Variants in RCCD1 observed in about 807,000 individuals in gnomAD.
RCCD1 encodes RCC1 domain-containing protein 1.
RCCD1 carries 40 observed loss-of-function variants against 37.6 expected under a neutral mutation model. That is an observed-to-expected ratio of 1.06 (90% CI 0.83 to 1.39). The LOEUF (loss-of-function observed/expected upper bound fraction) is 1.39. RCCD1 is among the 40% of genes most tolerant of loss of function. RCCD1 has a pLI of 0.00. For missense variants in RCCD1, 577 were observed against 517.3 expected (o/e 1.12, Z -1.12); for synonymous variants, 263 against 230.0 (o/e 1.14, Z -1.30).
intron 5 of RCCD1, 159 bp from the exon 6 acceptor site, chr15:90,960,169 A>C: frequency 2.2e-6 from 2 of 919,022 alleles, no homozygotes; most frequent in Non-Finnish European, 3.3e-6. Context: ...ACACTTGTGC[A>C]GCAGTGCCAG....
chr15:90,957,711 CTG>C lies in RCCD1; in HGVS notation c.674_675del (p.Val225GlufsTer2). 1 of 1,610,936 alleles carries C rather than the reference CTG, an allele frequency of 6.2e-7. No individual in the cohort carries two copies. Among genetic ancestry groups the C allele is most frequent in the South Asian group, 1.1e-5 (1 of 90,638 alleles). The stretch of plus-strand genomic sequence containing the variant: ...GAGGTGGCCGCGGGGGGCTGGCATT[CTG>C]TGTGTGTGAGTGGTGAGTGACTTAG... On this transcript the variant is annotated frameshift_variant, in exon 4 of 8. Coordinates refer to ENST00000394258, the MANE Select transcript of RCCD1 (RefSeq NM_001017919.2). LOFTEE classifies it high-confidence loss of function.
At position 90,962,114 on chromosome 15, in the gene RCCD1, C is replaced by CAG. The variant is rs2037327961; in HGVS notation, c.*345_*346insAG. ...ATTGGGGCACATTCCAGGTCATCGT[C>CAG]TTCTGTCAGTCATTTCCCTGCTTTC... On this transcript the variant is annotated 3_prime_UTR_variant, in exon 8 of 8. Coordinates refer to ENST00000394258, the MANE Select transcript of RCCD1 (RefSeq NM_001017919.2). The CAG allele has an allele frequency of 5.7e-6, 1 of 174,138 alleles. No homozygotes were observed. The highest frequency in any genetic ancestry group is 2.4e-5 in the African/African-American group (1 of 42,286). 10.8% of individuals were successfully genotyped at this position (174,138 alleles called of 1,614,324 possible). A position where few individuals can be genotyped will look rare whatever the true frequency, so the allele number is the denominator to read the frequency against.
At chr15:90,955,598 C>G (rs2037163649) in intron 1 of RCCD1, 1 of 152,204 alleles carries the variant, frequency 6.6e-6, no homozygotes, top group African/African-American at 2.4e-5. Context: ...CGGCTCACGC[C>G]TGTAATCCCA....
chr15:90,956,848 C>T lies in RCCD1; in HGVS notation c.114C>T (p.Gly38=), dbSNP rs2151380696. Residue 38 remains glycine, a synonymous_variant, in exon 2 of 8, where the codon GGC becomes GGT. Transcript: ENST00000394258. Reference sequence around the variant, plus strand: ...ACAGCCCCAGTCCGCTGCGGGCGGGCGTCGACATCTGCCGCGTGAGCGCGA... The same window carrying T: ...ACAGCCCCAGTCCGCTGCGGGCGGGTGTCGACATCTGCCGCGTGAGCGCGA... ...QVHSPSPLRA[G]VDICRVSASW... The T allele has an allele frequency of 1.5e-6, 2 of 1,293,112 alleles. No homozygotes were observed. Among genetic ancestry groups the T allele is most frequent in the Non-Finnish European group, 2.0e-6 (2 of 1,020,212 alleles). The allele number at this position is 1,293,112 out of a possible 1,614,324, so 80.1% of individuals were successfully genotyped here.
intron 4 of RCCD1, among the ~76,000 whole-genome samples, chr15:90,957,966 C>T (rs2037236857): frequency 1.3e-5 from 2 of 152,224 alleles, no homozygotes; most frequent in African/African-American, 2.4e-5. Context: ...ACTGCCCCTC[C>T]CCTCCTCTCC....
Position 90,957,160 on chromosome 15 carries a change from C to A in RCCD1, c.214C>A (p.Arg72Ser). 7.3e-7 allele frequency: 1 copy of A among 1,365,556 alleles called. No homozygotes were observed. Among genetic ancestry groups the A allele is most frequent in the Non-Finnish European group, 9.4e-7 (1 of 1,065,822 alleles). The allele number at this position is 1,365,556 out of a possible 1,614,324, so 84.6% of individuals were successfully genotyped here. ...GGGCTCAGCCAGCGGCGCGGCGGGCCGCTGCAAGGACGCGTGGGCCTCGGA... is the reference window on the plus strand; with the variant it reads ...GGGCTCAGCCAGCGGCGCGGCGGGCAGCTGCAAGGACGCGTGGGCCTCGGA... ...LSGSASGAAG[R>S]CKDAWASEGL... Residue 72 changes from arginine (R) to serine (S), a missense_variant, in exon 3 of 8, where the codon CGC (arginine) becomes AGC (serine). Physicochemically the swap from Arg to Ser is moderately radical, Grantham distance 110. Transcript: ENST00000394258.
At chr15:90,959,443 C>G (rs1394503629) in intron 4 of RCCD1, among the ~76,000 whole-genome samples, 1 of 152,130 alleles carries the variant, frequency 6.6e-6, no homozygotes, top group African/African-American at 2.4e-5. Flanking sequence ...ACAGGCCGGC[C>G]CAGTGGTTGT....
chr15:90,958,627 C>CAAAA (rs5814447), intron 4 of RCCD1, among the ~76,000 whole-genome samples: 39 of 74,990 alleles, frequency 5.2e-4, no homozygotes, highest in Middle Eastern at 8.3e-3. Context: ...GACTCAGTCT[C>CAAAA]AAAAAAAAAA....
intron 2 of RCCD1, 71 bp downstream of exon 2, chr15:90,956,971 C>T (rs2037209079): frequency 7.8e-7 from 1 of 1,283,790 alleles, no homozygotes; most frequent in Admixed American, 4.1e-5. Context: ...ACCGCTGTGG[C>T]CAGTCCAGTT....
intron 4 of RCCD1, 68 bp downstream of exon 4, chr15:90,957,793 T>C (rs2037233558): frequency 6.5e-7 from 1 of 1,537,380 alleles, no homozygotes; most frequent in Non-Finnish European, 8.8e-7. Flanking sequence ...CGTTTTCCAG[T>C]TTGGGTGGGG....
At position 90,961,599 on chromosome 15, in the gene RCCD1, G is replaced by A; in HGVS notation, c.980-19G>A. On this transcript the variant is annotated intron_variant, in intron 7 of 7. Transcript: ENST00000394258. ...AAGACCCAGTGGAGACGATGGCAAA[G>A]GGGCTGATTTCACTTTAGGTAAATA... The A allele has an allele frequency of 6.2e-7, 1 of 1,606,342 alleles. No individual in the cohort carries two copies. Among genetic ancestry groups the A allele is most frequent in the Non-Finnish European group, 8.5e-7 (1 of 1,175,224 alleles).
chr15:90,957,392 C>T lies in RCCD1; in HGVS notation c.446C>T (p.Pro149Leu). The T allele has an allele frequency of 3.2e-6, 5 of 1,543,238 alleles. No individual in the cohort carries two copies. Among genetic ancestry groups the T allele is most frequent in the Non-Finnish European group, 4.4e-6 (5 of 1,145,976 alleles). Residue 149 changes from proline (P) to leucine (L), a missense_variant, in exon 3 of 8, where the codon CCC becomes CTC. Physicochemically the swap from Pro to Leu is moderately conservative, Grantham distance 98 (BLOSUM62 -3). Coordinates refer to ENST00000394258, the MANE Select transcript of RCCD1 (RefSeq NM_001017919.2). ...CARAYVSPRAPFYRPLAPELR... is the reference protein window; with the variant it reads ...CARAYVSPRALFYRPLAPELR... ...CGTGCCTACGTGAGCCCGCGGGCGC[C>T]CTTCTACCGGCCTCTGGCTCCGGAG...
intron 6 of RCCD1, 77 bp downstream of exon 6, chr15:90,960,575 C>G (rs1472680707): frequency 1.4e-6 from 2 of 1,411,820 alleles, no homozygotes; most frequent in African/African-American, 1.4e-5. Flanking sequence ...GGAAAAACTT[C>G]TGTCTTAAGG....
Position 90,957,403 on chromosome 15 carries a change from C to T in RCCD1, c.457C>T (p.Pro153Ser), listed in dbSNP as rs547525240. ...GAGCCCGCGGGCGCCCTTCTACCGG[C>T]CTCTGGCTCCGGAGCTGCGGGCACG... ...YVSPRAPFYR[P>S]LAPELRARQL... The change falls in exon 3 of 8, where the codon CCT (proline) becomes TCT (serine). Residue 153 changes from proline (P) to serine (S), a missense_variant. Coordinates refer to ENST00000394258, the MANE Select transcript of RCCD1 (RefSeq NM_001017919.2). 22 of 1,541,806 alleles carry T rather than the reference C, an allele frequency of 1.4e-5. No individual in the cohort carries two copies. In the East Asian group the frequency reaches 5.1e-4, roughly 36 times the overall value.
chr15:90,956,246 G>A (rs905824280), intron 1 of RCCD1, among the ~76,000 whole-genome samples: 3 of 152,066 alleles, frequency 2.0e-5, no homozygotes, highest in African/African-American at 7.2e-5. Context: ...TCAGCGCTCT[G>A]CCCCTCTCTG....
chr15:90,955,354 C>T (rs2037152337), intron 1 of RCCD1: 1 of 152,282 alleles, frequency 6.6e-6, no homozygotes, highest in East Asian at 1.9e-4. Context: ...GGCGGGAGGC[C>T]TTTCCGGAGG....
chr15:90,960,065 G>A (rs2037283369), intron 5 of RCCD1, 67 bp downstream of exon 5: 1 of 1,315,720 alleles, frequency 7.6e-7, no homozygotes, highest in Non-Finnish European at 1.1e-6. Context: ...ACTCCTGGCT[G>A]TATGCTGGCC....
At chr15:90,955,710 A>C (rs2037169698) in intron 1 of RCCD1, 1 of 144,602 alleles carries the variant, frequency 6.9e-6, no homozygotes, top group Non-Finnish European at 1.5e-5. Flanking sequence ...TTAAAAAAAA[A>C]AAAAAACAAA....
Position 90,954,916 on chromosome 15 carries a change from C to G in RCCD1, c.-156C>G, listed in dbSNP as rs909349999. The G allele has an allele frequency of 6.6e-6, 1 of 152,352 alleles. No individual in the cohort carries two copies. Among genetic ancestry groups the G allele is most frequent in the Non-Finnish European group, 1.5e-5 (1 of 68,140 alleles). The allele number at this position is 152,352 out of a possible 1,614,324, so 9.4% of individuals were successfully genotyped here. A position where few individuals can be genotyped will look rare whatever the true frequency, so the allele number is the denominator to read the frequency against. On this transcript the variant is annotated 5_prime_UTR_variant, in exon 1 of 8. Coordinates refer to ENST00000394258, the MANE Select transcript of RCCD1 (RefSeq NM_001017919.2). ...GTTGGGGCATGAGTCCGGCGCGTGT[C>G]GGGTTTTGAGCTGCCGCGGTCCCGG...
Sources: gnomAD v4.1 joint callset for allele counts (sites outside exome capture counted in the v4.1 genomes callset) on GRCh38, gnomAD v4.1.1 for gene constraint, MANE v1.5 for transcripts, NCBI Gene and HGNC (gene_info 2026-07-23, HGNC 2026-07-21) for gene names.